Variants in VWA8 observed in about 807,000 individuals in gnomAD.
VWA8 encodes the protein von Willebrand factor A domain containing 8.
In VWA8, 221 loss-of-function variants were observed where a neutral mutation model predicts 241.5. The observed-to-expected ratio is 0.91, with a 90% CI of 0.82 to 1.02. VWA8 has a LOEUF of 1.02. Ranked by LOEUF, VWA8 falls within the 50% of genes least tolerant of loss-of-function variation. The probability of loss-of-function intolerance (pLI) is 0.00; values close to 1 mark genes in which losing one functional copy is unlikely to be tolerated. For synonymous variants in VWA8, 852 were observed against 827.1 expected (o/e 1.03, Z -0.52); for missense variants, 2,322 against 2,328.7 (o/e 1.00, Z 0.06).
At chr13:41,706,293 G>T (rs1451506390) in intron 26 of VWA8, among the ~76,000 whole-genome samples, 1 of 152,156 alleles carries the variant, frequency 6.6e-6, no homozygotes, top group South Asian at 2.1e-4. Flanking sequence ...CTGTTTGGTT[G>T]GCAGGGTATG....
intron 37 of VWA8, among the ~76,000 whole-genome samples, chr13:41,659,083 T>C (rs570779120): frequency 2.0e-5 from 3 of 152,230 alleles, no homozygotes; most frequent in Non-Finnish European, 4.4e-5. Flanking sequence ...TTCCTTAAAC[T>C]GAGGGTAAAG....
At chr13:41,866,356 A>ATAT (rs1236646698) in intron 10 of VWA8, among the ~76,000 whole-genome samples, 5 of 149,244 alleles carry the variant, frequency 3.4e-5, no homozygotes, top group African/African-American at 1.2e-4. Context: ...CCCAAAAAAA[A>ATAT]AAATATATAT....
chr13:41,772,836 T>C (rs772314751), intron 20 of VWA8, among the ~76,000 whole-genome samples: 7 of 152,232 alleles, frequency 4.6e-5, no homozygotes, highest in East Asian at 1.9e-4. Flanking sequence ...TTAGAAAAGA[T>C]AGTATCTGCA....
intron 37 of VWA8, among the ~76,000 whole-genome samples, chr13:41,619,320 G>A (rs546587392): frequency 6.6e-6 from 1 of 152,326 alleles, no homozygotes; most frequent in East Asian, 1.9e-4. Context: ...CATTGATTTT[G>A]TAACCTGAGA....
chr13:41,617,942 G>A (rs1185633925), intron 37 of VWA8, among the ~76,000 whole-genome samples: 2 of 151,998 alleles, frequency 1.3e-5, no homozygotes, highest in African/African-American at 4.8e-5. Context: ...AAACATACGT[G>A]TGCATGTGTC....
rs536595399 is a variant in VWA8, at chr13:41,611,031, T to C, written c.4877+545A>G. 1.4e-4 allele frequency among the ~76,000 whole-genome samples: 22 copies of C among 152,276 alleles called. No individual in the cohort carries two copies. The East Asian group carries it at 4.3e-3, about 29-fold the overall frequency. On this transcript the variant is annotated intron_variant, in intron 39 of 44. Coordinates refer to ENST00000379310, the MANE Select transcript of VWA8 (RefSeq NM_015058.2). ...CTGCCTCTCTCTTCCATAGACACTA[T>C]GCTCATCCTGCCCTGGTGCCTCTGC...
intron 19 of VWA8, among the ~76,000 whole-genome samples, chr13:41,780,338 C>G (rs1566454349): frequency 6.6e-6 from 1 of 152,196 alleles, no homozygotes. Context: ...AGTGATCAAA[C>G]CACTTTGTTA....
intron 17 of VWA8, among the ~76,000 whole-genome samples, chr13:41,789,029 A>C (rs559881261): frequency 6.6e-6 from 1 of 152,248 alleles, no homozygotes; most frequent in South Asian, 2.1e-4. Context: ...TTTCCTTCTG[A>C]GACTGAACAC....
At chr13:41,627,627 A>G in intron 37 of VWA8, among the ~76,000 whole-genome samples, 1 of 152,174 alleles carries the variant, frequency 6.6e-6, no homozygotes, top group East Asian at 1.9e-4. Flanking sequence ...GTTGCAACTG[A>G]GAAGGGCCCC....
At chr13:41,820,739 A>G (rs1870918010) in intron 14 of VWA8, among the ~76,000 whole-genome samples, 1 of 152,200 alleles carries the variant, frequency 6.6e-6, no homozygotes, top group South Asian at 2.1e-4. Flanking sequence ...ATTACTTAAG[A>G]TTGCTAGTAA....
intron 39 of VWA8, 150 bp from the exon 40 acceptor site, chr13:41,605,426 G>A (rs2044547626): frequency 1.3e-5 from 9 of 709,998 alleles, no homozygotes; most frequent in Non-Finnish European, 2.1e-5. Flanking sequence ...GTCTCCAGCT[G>A]TGCTTCCAGA....
chr13:41,671,396 C>A (rs929965578), intron 36 of VWA8, among the ~76,000 whole-genome samples: 13 of 151,854 alleles, frequency 8.6e-5, no homozygotes, highest in African/African-American at 1.7e-4. Flanking sequence ...TAAAAAAAAA[C>A]CAGAAAGACT....
intron 34 of VWA8, among the ~76,000 whole-genome samples, chr13:41,687,009 C>G (rs1219710993): frequency 6.6e-6 from 1 of 152,188 alleles, no homozygotes; most frequent in East Asian, 1.9e-4. Flanking sequence ...ATAACTCACA[C>G]TGGCCTACTA....
At chr13:41,626,054 G>A (rs1417221062) in intron 37 of VWA8, among the ~76,000 whole-genome samples, 1 of 139,376 alleles carries the variant, frequency 7.2e-6, no homozygotes, top group Non-Finnish European at 1.5e-5. Context: ...GACACAGGAA[G>A]GGGAACATCA....
intron 21 of VWA8, among the ~76,000 whole-genome samples, chr13:41,743,449 C>T (rs546093942): frequency 6.6e-6 from 1 of 152,160 alleles, no homozygotes; most frequent in Non-Finnish European, 1.5e-5. Flanking sequence ...CAAATTCTTA[C>T]AACCCTCTAA....
intron 35 of VWA8, 122 bp from the exon 36 acceptor site, chr13:41,675,418 A>G: frequency 1.6e-6 from 1 of 632,122 alleles, no homozygotes; most frequent in Non-Finnish European, 2.7e-6. Flanking sequence ...TTGACAAGGT[A>G]CTGGGTCAAC....
At chr13:41,847,435 G>GA (rs1488789017) in intron 12 of VWA8, among the ~76,000 whole-genome samples, 1 of 152,182 alleles carries the variant, frequency 6.6e-6, no homozygotes, top group Admixed American at 6.5e-5. Context: ...CACAGCCTGT[G>GA]AAAATGCCCC....
chr13:41,751,163 T>G (rs1047487052), intron 21 of VWA8, among the ~76,000 whole-genome samples: 2 of 151,956 alleles, frequency 1.3e-5, no homozygotes, highest in African/African-American at 4.8e-5. Flanking sequence ...AAAATTTAAA[T>G]CAATTTGGAG....
chr13:41,849,130 C>G (rs946249990), intron 12 of VWA8, among the ~76,000 whole-genome samples: 1 of 152,204 alleles, frequency 6.6e-6, no homozygotes, highest in Non-Finnish European at 1.5e-5. Flanking sequence ...TTGTTTCTAA[C>G]TATGAGACTG....
Sources: allele counts gnomAD v4.1 joint callset (sites outside exome capture counted in the v4.1 genomes callset), GRCh38; gene constraint gnomAD v4.1.1; transcripts MANE v1.5; gene names NCBI Gene and HGNC (gene_info 2026-07-23, HGNC 2026-07-21).